The following PRDM7 variants were observed in gnomAD, a reference collection of about 807,000 sequenced individuals.
PRDM7 encodes the protein PR/SET domain 7.
In PRDM7, 52 loss-of-function variants were observed where a neutral mutation model predicts 64.3. The observed-to-expected ratio is 0.81, with a 90% CI of 0.65 to 1.02. PRDM7 has a LOEUF of 1.02. Ranked by LOEUF, PRDM7 falls within the 50% of genes least tolerant of loss-of-function variation. PRDM7 has a pLI of 0.00. For synonymous variants in PRDM7, 192 were observed against 210.1 expected, an observed-to-expected ratio of 0.91 and a Z score of 0.74; for missense variants, 574 against 597.1, an observed-to-expected ratio of 0.96 and a Z score of 0.40.
chr16:90,060,690 T>C lies in PRDM7; in HGVS notation c.951-67A>G. On this transcript the variant is annotated intron_variant, in intron 9 of 10. Transcript: ENST00000449207. The stretch of plus-strand genomic sequence containing the variant: ...TTCCCTCCAGGCAGGATGACTACAA[T>C]GCTCATCCTGCCTAGAATGCTTCCC... The C allele has an allele frequency of 9.5e-6, 15 of 1,584,370 alleles. No individual in the cohort carries two copies. The South Asian group carries it at 1.5e-4, about 16-fold the overall frequency.
chr16:90,062,230 T>C lies in PRDM7; in HGVS notation c.611-38A>G, dbSNP rs374821785. 317 of 1,614,248 alleles carry C rather than the reference T, an allele frequency of 2.0e-4. 2 individuals carry two copies. The African/African-American group carries it at 3.8e-3, about 19-fold the overall frequency. Reference sequence around the variant, plus strand: ...GAAGCAGGGATTAGGAAAGTTGTAATGCATGTTCCTTGATATAAGAGCTTC... The same window carrying C: ...GAAGCAGGGATTAGGAAAGTTGTAACGCATGTTCCTTGATATAAGAGCTTC... On this transcript the variant is annotated intron_variant, in intron 7 of 10. Coordinates refer to ENST00000449207, the MANE Select transcript of PRDM7 (RefSeq NM_001098173.2).
rs1471589615 is a variant in PRDM7 at position 90,057,215 on chromosome 16, A to C, written c.*1074T>G. 12 of 154,610 alleles carry C rather than the reference A, an allele frequency of 7.8e-5. No homozygotes were observed. Among genetic ancestry groups the C allele is most frequent in the Admixed American group, 7.6e-4 (12 of 15,700 alleles). The allele number at this position is 154,610 out of a possible 1,614,324, so 9.6% of individuals were successfully genotyped here. On this transcript the variant is annotated 3_prime_UTR_variant, in exon 11 of 11. Transcript: ENST00000449207. ...TCTGGGGCTACAGAGATTGGAGGAA[A>C]TCAGGAGAGGAGACAGGGGGAGCCA...
In PRDM7 at chr16:90,075,902, A is replaced by C. The variant is rs772225500; in HGVS notation, c.9T>G (p.Pro3=). 2.5e-6 allele frequency: 4 copies of C among 1,613,802 alleles called. No homozygotes were observed. In the South Asian group the frequency reaches 3.3e-5, roughly 13 times the overall value. MS[P]ERSQEESPEG... is the part of the protein sequence containing the mutation. ...CTGGGCTCTCCTCTTGGGACCTTTCAGGGCTCATGGTGCTGGGACTGTCTA... is the reference window on the plus strand; with the variant it reads ...CTGGGCTCTCCTCTTGGGACCTTTCCGGGCTCATGGTGCTGGGACTGTCTA... The change falls in exon 2 of 11, where the codon CCT becomes CCG. Residue 3 remains proline, a synonymous_variant. Coordinates refer to ENST00000449207, the MANE Select transcript of PRDM7 (RefSeq NM_001098173.2). This position sits in a 1 kb window ranked among gnomAD's most constrained non-coding sequence, Gnocchi z 4.3.
chr16:90,071,172 C>T (rs2037950444), intron 4 of PRDM7, among the ~76,000 whole-genome samples: 1 of 152,162 alleles, frequency 6.6e-6, no homozygotes, highest in Non-Finnish European at 1.5e-5. Context: ...CGTTCTGTTG[C>T]CCAGGCTGGA....
In PRDM7 at chr16:90,059,107, C is replaced by G. The variant is rs368393018; in HGVS notation, c.1234-573G>C. On this transcript the variant is annotated intron_variant, in intron 10 of 10. Coordinates refer to ENST00000449207, the MANE Select transcript of PRDM7 (RefSeq NM_001098173.2). ...AAATCTGAATTTGAGTATCCTCATT[C>G]AAAAGGACATATTTAATTGAGGACT... Among the ~76,000 whole-genome samples the G allele has an allele frequency of 9.2e-5, 14 of 152,260 alleles. No individual in the cohort carries two copies. In the East Asian group the frequency reaches 1.4e-3, roughly 15 times the overall value.
Position 90,058,514 on chromosome 16 carries a change from G to C in PRDM7, c.1254C>G (p.Ile418Met). 2 of 1,614,194 alleles carry C rather than the reference G, an allele frequency of 1.2e-6. No individual in the cohort carries two copies. Among genetic ancestry groups the C allele is most frequent in the East Asian group, 2.2e-5 (1 of 44,880 alleles). ...WQGENQSQRS[I>M]HVPHAVWPFQ... ...AAGGCCAGACAGCATGAGGGACATG[G>C]ATGGATCTCTGGCTTTGGTTCTGAA... Residue 418 changes from isoleucine to methionine, a missense_variant, in exon 11 of 11, where the codon ATC (isoleucine) becomes ATG (methionine). Physicochemically the swap from Ile to Met is conservative, Grantham distance 10. Coordinates refer to ENST00000449207, the MANE Select transcript of PRDM7 (RefSeq NM_001098173.2).
At chr16:90,076,705 G>A (rs546616534) in intron 1 of PRDM7, among the ~76,000 whole-genome samples, 18 of 152,164 alleles carry the variant, frequency 1.2e-4, no homozygotes, top group African/African-American at 4.1e-4. Context: ...GACAGGATTT[G>A]AGATTCATCA....
rs541096845 is a variant in PRDM7, at chr16:90,063,675, G to A, written c.445C>T (p.Gln149Ter). The part of the protein sequence containing the change: ...LLNTSDSEQA[Q>*]KPVSPPGEAS... ...TCTCCAGGAGGGGACACTGGTTTCT[G>A]AGCCTGCTCTGAGTCACTTGTATTC... The change falls in exon 6 of 11, where the codon CAG (glutamine) becomes TAG (stop). Residue 149 changes from glutamine (Q) to a stop codon, truncating the protein, a stop_gained. Transcript: ENST00000449207. LOFTEE classifies it high-confidence loss of function. The A allele has an allele frequency of 1.2e-4, 200 of 1,614,150 alleles. 5 individuals are homozygous for A. The South Asian group carries it at 1.9e-3, about 15-fold the overall frequency.
At chr16:90,061,348 A>C in intron 9 of PRDM7, 104 bp downstream of exon 9, 1 of 1,169,022 alleles carries the variant, frequency 8.6e-7, no homozygotes, top group Non-Finnish European at 1.3e-6. Flanking sequence ...AAATAGAAAT[A>C]GGGGATGTGA....
In PRDM7 at chr16:90,069,320, A is replaced by C. The variant is rs2037924105; in HGVS notation, c.302-2410T>G. On this transcript the variant is annotated intron_variant, in intron 4 of 10. Coordinates refer to ENST00000449207, the MANE Select transcript of PRDM7 (RefSeq NM_001098173.2). The stretch of plus-strand genomic sequence containing the variant: ...TGGATATACATATGCAAAAGAGAAG[A>C]CAGACTCTTACCACATATCTCATAT... Among the ~76,000 whole-genome samples the C allele has an allele frequency of 2.6e-5, 4 of 151,492 alleles. 1 individual carries two copies. Among genetic ancestry groups the C allele is most frequent in the African/African-American group, 9.8e-5 (4 of 40,830 alleles).
chr16:90,060,279 G>T lies in PRDM7; in HGVS notation c.1233+62C>A, dbSNP rs2037749490. The T allele has an allele frequency of 9.3e-6, 15 of 1,612,542 alleles. No individual in the cohort carries two copies. In the Middle Eastern group the frequency reaches 1.2e-3, roughly 124 times the overall value. On this transcript the variant is annotated intron_variant, in intron 10 of 10. Transcript: ENST00000449207. Reference sequence around the variant, plus strand: ...TTACTCTACTTAAGAGTTCAATCATGAAAATTCTCTAGGATAATTCTTTCT... The same window carrying T: ...TTACTCTACTTAAGAGTTCAATCATTAAAATTCTCTAGGATAATTCTTTCT...
rs963173145 is a variant in PRDM7 at position 90,061,643 on chromosome 16, C to T, written c.883-124G>A. The T allele has an allele frequency of 4.0e-6, 5 of 1,235,170 alleles. No homozygotes were observed. The Admixed American group carries it at 5.6e-5, about 14-fold the overall frequency. The allele number at this position is 1,235,170 out of a possible 1,614,324, so 76.5% of individuals were successfully genotyped here. A position where few individuals can be genotyped will look rare whatever the true frequency, so the allele number is the denominator to read the frequency against. On this transcript the variant is annotated intron_variant, in intron 8 of 10. Coordinates refer to ENST00000449207, the MANE Select transcript of PRDM7 (RefSeq NM_001098173.2). Reference sequence around the variant, plus strand: ...TCAACTGCCAACTGAGACCACATGGCATGCACCTTAGTCATCATCTACACA... The same window carrying T: ...TCAACTGCCAACTGAGACCACATGGTATGCACCTTAGTCATCATCTACACA...
chr16:90,072,320 G>A (rs747955539), intron 4 of PRDM7, among the ~76,000 whole-genome samples: 6 of 151,986 alleles, frequency 3.9e-5, no homozygotes, highest in East Asian at 1.9e-4. Context: ...GACAAGAGGC[G>A]AAGCAACCTA....
At chr16:90,062,700 T>C (rs1256726750) in intron 6 of PRDM7, among the ~76,000 whole-genome samples, 198 bp from the exon 7 acceptor site, 1 of 152,244 alleles carries the variant, frequency 6.6e-6, no homozygotes, top group Admixed American at 6.5e-5. Context: ...TTTTAGTTTC[T>C]AGCTGTTCTC....
intron 4 of PRDM7, among the ~76,000 whole-genome samples, chr16:90,072,032 C>T (rs1413906570): frequency 6.6e-6 from 1 of 152,016 alleles, no homozygotes; most frequent in African/African-American, 2.4e-5. Flanking sequence ...AGATCGAGAC[C>T]ATCCTGGCTA....
At position 90,060,624 on chromosome 16, in the gene PRDM7, C is replaced by G. The variant is rs761289575; in HGVS notation, c.951-1G>C. The G allele has an allele frequency of 1.2e-6, 2 of 1,614,076 alleles. No homozygotes were observed. Among genetic ancestry groups the G allele is most frequent in the Admixed American group, 1.7e-5 (1 of 60,016 alleles). On this transcript the variant is annotated splice_acceptor_variant, in intron 9 of 10. Coordinates refer to ENST00000449207, the MANE Select transcript of PRDM7 (RefSeq NM_001098173.2). LOFTEE classifies it high-confidence loss of function. Reference sequence around the variant, plus strand: ...ATCATCCCGGGCACAGTTCACATACCTGGGGTCAAGGCAGGCAAAGGGAAA... The same window carrying G: ...ATCATCCCGGGCACAGTTCACATACGTGGGGTCAAGGCAGGCAAAGGGAAA...
chr16:90,063,841 C>T (rs2151307760), intron 5 of PRDM7, 73 bp from the exon 6 acceptor site: 1 of 1,541,780 alleles, frequency 6.5e-7, no homozygotes, highest in Non-Finnish European at 8.9e-7. Flanking sequence ...AACATGTTTT[C>T]ATATGACTGT....
At position 90,062,166 on chromosome 16, in the gene PRDM7, TGAA is replaced by T. The variant is rs1567875860; in HGVS notation, c.634_636del (p.Phe212del). ...GGCCCATGAGCAGCACAGCTGTCAA[TGAA>T]GAAGTTCTGACACATCTCACAATCT... On this transcript the variant is annotated inframe_deletion, in exon 8 of 11. Transcript: ENST00000449207. The T allele has an allele frequency of 6.2e-7, 1 of 1,614,232 alleles. No homozygotes were observed. Among genetic ancestry groups the T allele is most frequent in the South Asian group, 1.1e-5 (1 of 91,086 alleles).
At chr16:90,072,793 T>C (rs972502410) in intron 4 of PRDM7, among the ~76,000 whole-genome samples, 2 of 152,228 alleles carry the variant, frequency 1.3e-5, no homozygotes, top group Non-Finnish European at 2.9e-5. Flanking sequence ...TAAAGATGTA[T>C]AGATGTGTGG....
Sources: gnomAD v4.1 joint callset for allele counts (sites outside exome capture counted in the v4.1 genomes callset) on GRCh38, gnomAD v4.1.1 for gene constraint, Gnocchi (gnomAD v3.1) non-coding constraint, MANE v1.5 for transcripts, NCBI Gene and HGNC (gene_info 2026-07-23, HGNC 2026-07-21) for gene names.